KCNMA1: variants seen among roughly 807,000 people sequenced by gnomAD.
The protein encoded by KCNMA1 is Calcium-activated potassium channel subunit alpha-1.
In KCNMA1, 29 loss-of-function variants were observed where a neutral mutation model predicts 140.0. The observed-to-expected ratio is 0.21, with a 90% confidence interval of 0.15 to 0.28. The LOEUF (loss-of-function observed/expected upper bound fraction) is 0.28. Among genes scored for constraint, KCNMA1 ranks in the 10% least tolerant of loss-of-function variants. The pLI, the probability that KCNMA1 is intolerant of heterozygous loss-of-function variation, is 1.00. For synonymous variants in KCNMA1, 612 were observed against 611.9 expected (o/e 1.00, Z 0.00); for missense variants, 880 against 1,602.2 (o/e 0.55, Z 7.70).
At chr10:76,979,313 G>A (rs1388534061) in intron 19 of KCNMA1, among the ~76,000 whole-genome samples, 1 of 152,216 alleles carries the variant, frequency 6.6e-6, no homozygotes, top group Admixed American at 6.5e-5. Flanking sequence ...CCTGCCCAGA[G>A]TGAGAAACAG....
chr10:76,987,730 G>A (rs981243624), intron 19 of KCNMA1, among the ~76,000 whole-genome samples: 9 of 152,326 alleles, frequency 5.9e-5, no homozygotes, highest in African/African-American at 1.9e-4. Flanking sequence ...AGAATAAGAC[G>A]CTTCTAGAGA....
Position 77,485,141 on chromosome 10 carries a change from T to C in KCNMA1, c.379-81118A>G, listed in dbSNP as rs76075695. 3.0e-3 allele frequency among the ~76,000 whole-genome samples: 456 copies of C among 152,338 alleles called. 12 individuals are homozygous for C. In the South Asian group the frequency reaches 0.039, roughly 13 times the overall value. Reference sequence around the variant, plus strand: ...TCATTAAAATACAGCTGTGGAGACATAGGGAGCACTTCTGAATGAGCAACC... The same window carrying C: ...TCATTAAAATACAGCTGTGGAGACACAGGGAGCACTTCTGAATGAGCAACC... On this transcript the variant is annotated intron_variant, in intron 1 of 27. Transcript: ENST00000286628.
intron 1 of KCNMA1, chr10:77,587,749 T>C (rs2077681090): frequency 1.0e-6 from 1 of 985,284 alleles, no homozygotes; most frequent in Non-Finnish European, 1.2e-6. Context: ...CCAGGTGCTT[T>C]CATGTCTTTT....
chr10:76,933,274 A>G (rs1012052466), intron 23 of KCNMA1, among the ~76,000 whole-genome samples: 1 of 152,238 alleles, frequency 6.6e-6, no homozygotes, highest in African/African-American at 2.4e-5. Context: ...GTATTCATGT[A>G]TCCATCCCCT....
intron 5 of KCNMA1, among the ~76,000 whole-genome samples, chr10:77,130,335 A>T (rs897929491): frequency 6.6e-6 from 1 of 152,208 alleles, no homozygotes; most frequent in African/African-American, 2.4e-5. Flanking sequence ...GATTTTGCCC[A>T]ACAGTAGGTA....
intron 23 of KCNMA1, among the ~76,000 whole-genome samples, chr10:76,920,621 T>C (rs571698932): frequency 2.1e-3 from 319 of 152,328 alleles, no homozygotes; most frequent in Non-Finnish European, 2.5e-4. Flanking sequence ...CTGTTGATAT[T>C]TGCATTTTGT....
chr10:77,137,667 C>A (rs1596848229), intron 5 of KCNMA1, among the ~76,000 whole-genome samples: 1 of 152,202 alleles, frequency 6.6e-6, no homozygotes, highest in African/African-American at 2.4e-5. Context: ...CTCTCAAATG[C>A]CCCTGGGCTT....
intron 9 of KCNMA1, among the ~76,000 whole-genome samples, chr10:77,106,798 A>T (rs934138667): frequency 6.6e-6 from 1 of 152,096 alleles, no homozygotes; most frequent in African/African-American, 2.4e-5. Context: ...GAATCTTTGG[A>T]CTTACTTGGC....
At chr10:77,549,311 T>C (rs1265374773) in intron 1 of KCNMA1, among the ~76,000 whole-genome samples, 2 of 152,228 alleles carry the variant, frequency 1.3e-5, no homozygotes, top group African/African-American at 4.8e-5. Flanking sequence ...TCCATTATCT[T>C]GAGGAGTAAG....
intron 23 of KCNMA1, among the ~76,000 whole-genome samples, chr10:76,934,443 G>A (rs903839790): frequency 6.6e-6 from 1 of 152,242 alleles, no homozygotes; most frequent in Non-Finnish European, 1.5e-5. Context: ...CTTGAGGCAT[G>A]TGTGCTATCT....
intron 23 of KCNMA1, among the ~76,000 whole-genome samples, chr10:76,920,010 G>GTATATA (rs2054716207): frequency 3.6e-5 from 2 of 54,808 alleles, no homozygotes; most frequent in African/African-American, 2.1e-4. Context: ...GTGTGTGTGT[G>GTATATA]TGTGTGTGTG....
At chr10:77,417,226 C>G (rs950449661) in intron 1 of KCNMA1, among the ~76,000 whole-genome samples, 2 of 152,242 alleles carry the variant, frequency 1.3e-5, no homozygotes, top group Non-Finnish European at 2.9e-5. Flanking sequence ...TCCCCCAATT[C>G]CACATGGGAC....
At chr10:77,258,105 A>G (rs937823971) in intron 2 of KCNMA1, among the ~76,000 whole-genome samples, 1 of 152,210 alleles carries the variant, frequency 6.6e-6, no homozygotes, top group African/African-American at 2.4e-5. Flanking sequence ...AAGTTTCCCA[A>G]TCTGTGAAAT....
intron 1 of KCNMA1, among the ~76,000 whole-genome samples, chr10:77,578,419 C>T (rs544922614): frequency 3.9e-5 from 6 of 152,210 alleles, no homozygotes; most frequent in Non-Finnish European, 7.3e-5. Context: ...AAATCCCAGA[C>T]ATCTCACAGA....
intron 2 of KCNMA1, among the ~76,000 whole-genome samples, chr10:77,398,056 G>GTGTA (rs2096124803): frequency 9.6e-6 from 1 of 103,960 alleles, no homozygotes; most frequent in Non-Finnish European, 2.1e-5. Flanking sequence ...GTATATATGT[G>GTGTA]TGTATGTGTG....
At chr10:77,513,823 G>A (rs1033686717) in intron 1 of KCNMA1, among the ~76,000 whole-genome samples, 22 of 152,232 alleles carry the variant, frequency 1.4e-4, no homozygotes, top group African/African-American at 5.3e-4. Flanking sequence ...CCTGGAGCCA[G>A]GCAGTAGAAC....
chr10:77,605,640 C>A (rs1038463798), intron 1 of KCNMA1, among the ~76,000 whole-genome samples: 2 of 152,200 alleles, frequency 1.3e-5, no homozygotes. Context: ...AGGAGCAAGC[C>A]CCGAGCAGCC....
At chr10:77,373,191 T>C (rs2094858840) in intron 2 of KCNMA1, among the ~76,000 whole-genome samples, 1 of 152,238 alleles carries the variant, frequency 6.6e-6, no homozygotes, top group East Asian at 1.9e-4. Context: ...TGCCATCTTG[T>C]TGGTTTCCTC....
chr10:77,087,438 C>T (rs1320064660), intron 10 of KCNMA1, among the ~76,000 whole-genome samples: 1 of 152,154 alleles, frequency 6.6e-6, no homozygotes, highest in African/African-American at 2.4e-5. Context: ...CTGACTAATA[C>T]AATCAAGGAT....
Sources: gnomAD v4.1 joint callset for allele counts (sites outside exome capture counted in the v4.1 genomes callset) on GRCh38, gnomAD v4.1.1 for gene constraint, MANE v1.5 for transcripts, NCBI Gene and HGNC (gene_info 2026-07-23, HGNC 2026-07-21) for gene names.